The following KLHL22 variants were observed in gnomAD, a reference collection of about 807,000 sequenced individuals.
The protein encoded by KLHL22 is kelch like family member 22.
KLHL22 carries 18 observed loss-of-function variants against 60.7 expected under a neutral mutation model. That is an observed-to-expected ratio of 0.30 (90% CI 0.20 to 0.44). The LOEUF (loss-of-function observed/expected upper bound fraction) is 0.44. Among genes scored for constraint, KLHL22 ranks in the 20% least tolerant of loss-of-function variants. The probability of loss-of-function intolerance (pLI) is 1.00; values close to 1 mark genes in which losing one functional copy is unlikely to be tolerated. For synonymous variants in KLHL22, 355 were observed against 354.5 expected (o/e 1.00, Z -0.01); for missense variants, 596 against 852.3 (o/e 0.70, Z 3.74).
At chr22:20,446,934 T>C (rs361727) in intron 5 of KLHL22, among the ~76,000 whole-genome samples, 121,124 of 152,108 alleles carry the variant, frequency 0.8, 48,982 homozygotes, top group East Asian at 1. Flanking sequence ...TTTCCTTTGC[T>C]CCTAAAGTTA....
At chr22:20,457,081 A>T (rs1158412962) in intron 5 of KLHL22, among the ~76,000 whole-genome samples, 1 of 151,966 alleles carries the variant, frequency 6.6e-6, no homozygotes, top group East Asian at 1.9e-4. Context: ...GCTGAGACCC[A>T]GGAAGTAGGG....
chr22:20,458,240 C>CGAA (rs2053095609), intron 4 of KLHL22, among the ~76,000 whole-genome samples: 1 of 151,146 alleles, frequency 6.6e-6, no homozygotes, highest in South Asian at 2.1e-4. Flanking sequence ...CCTGTGTTTC[C>CGAA]ACCTAACTGT....
intron 5 of KLHL22, 27 bp from the exon 6 acceptor site, chr22:20,446,703 C>A (rs1004632137): frequency 6.3e-7 from 1 of 1,575,498 alleles, no homozygotes; most frequent in East Asian, 2.2e-5. Context: ...GGAGAAATGG[C>A]GTGAGAGGGC....
At chr22:20,454,971 T>C (rs892346154) in intron 5 of KLHL22, among the ~76,000 whole-genome samples, 1 of 152,138 alleles carries the variant, frequency 6.6e-6, no homozygotes, top group African/African-American at 2.4e-5. Flanking sequence ...AACCTCTGCC[T>C]CCCGGGTTCA....
At chr22:20,492,896 C>G (rs920418271) in intron 1 of KLHL22, among the ~76,000 whole-genome samples, 1 of 152,122 alleles carries the variant, frequency 6.6e-6, no homozygotes, top group African/African-American at 2.4e-5. Flanking sequence ...CCGGCCCAAA[C>G]CTGCCTATTT....
Position 20,464,924 on chromosome 22 carries a change from T to C in KLHL22, c.1046A>G (p.Asn349Ser). ...MSNQGIAVLN[N>S]FVYLIGGDNN... ...GTCCCCTCCAATCAAGTATACGAAG[T>C]TGTTGAGCACCGCGATGCCCTGGTT... is the stretch of plus-strand genomic sequence containing the variant. The change falls in exon 4 of 7, where the codon AAC becomes AGC. Residue 349 changes from asparagine to serine, a missense_variant. Transcript: ENST00000328879. 1 of 1,578,342 alleles carries C rather than the reference T, an allele frequency of 6.3e-7. No homozygotes were observed. The highest frequency in any genetic ancestry group is 8.6e-7 in the Non-Finnish European group (1 of 1,164,588).
chr22:20,451,803 G>A, intron 5 of KLHL22: 1 of 1,603,430 alleles, frequency 6.2e-7, no homozygotes. Context: ...ATGCTGGTGT[G>A]TGTGTTCTCC....
intron 2 of KLHL22, among the ~76,000 whole-genome samples, chr22:20,476,505 C>T (rs1043517968): frequency 1.8e-4 from 26 of 148,038 alleles, no homozygotes; most frequent in African/African-American, 4.0e-4. Context: ...TTCCGCCCCC[C>T]GGGGTTCACA....
intron 1 of KLHL22, chr22:20,491,242 G>C (rs1394645567): frequency 3.3e-5 from 5 of 152,192 alleles, no homozygotes; most frequent in Non-Finnish European, 7.3e-5. Context: ...CTATCCAGAA[G>C]TTTTCCAAAC....
chr22:20,457,699 C>G (rs1225303109), intron 5 of KLHL22, 109 bp downstream of exon 5: 1 of 795,508 alleles, frequency 1.3e-6, no homozygotes, highest in Non-Finnish European at 2.0e-6. Flanking sequence ...GCTCACTGAG[C>G]CTGTTTCTCT....
chr22:20,451,552 G>T, intron 5 of KLHL22: 1 of 1,597,810 alleles, frequency 6.3e-7, no homozygotes, highest in Non-Finnish European at 8.6e-7. Context: ...TTATGTGGTG[G>T]GGAGATTTGA....
rs773060743 is a variant in KLHL22, at chr22:20,446,596, C to A, written c.1386G>T (p.Glu462Asp). 1 of 1,613,980 alleles carries A rather than the reference C, an allele frequency of 6.2e-7. No individual in the cohort carries two copies. The highest frequency in any genetic ancestry group is 8.5e-7 in the Non-Finnish European group (1 of 1,180,046). Reference sequence around the variant, plus strand: ...TGCTGCCTGGATCGTAGCAGTGTGTCTCTTTCAGGTAATCCTCCCCTCTGC... The same window carrying A: ...TGCTGCCTGGATCGTAGCAGTGTGTATCTTTCAGGTAATCCTCCCCTCTGC... ...CGRRGEDYLK[E>D]THCYDPGSNT... is the part of the protein sequence containing the mutation. The change falls in exon 6 of 7, where the codon GAG becomes GAT. Residue 462 changes from glutamate to aspartate, a missense_variant. By Grantham distance (45) the Glu-to-Asp change is conservative. Transcript: ENST00000328879.
intron 1 of KLHL22, chr22:20,493,183 G>C (rs1022140269): frequency 2.1e-6 from 1 of 471,184 alleles, no homozygotes; most frequent in African/African-American, 2.0e-5. Flanking sequence ...GCTCTCTTGG[G>C]AAGGGATAAA....
chr22:20,444,530 C>T (rs1472084585), intron 6 of KLHL22, among the ~76,000 whole-genome samples: 1 of 152,114 alleles, frequency 6.6e-6, no homozygotes, highest in East Asian at 1.9e-4. Flanking sequence ...TGAGGTGCCT[C>T]GTAACACAGC....
chr22:20,450,084 T>G (rs550081080), intron 5 of KLHL22: 1 of 749,282 alleles, frequency 1.3e-6, no homozygotes, highest in Non-Finnish European at 2.5e-6. Flanking sequence ...AGTTGCAGAA[T>G]CCAAGGACCT....
Position 20,475,274 on chromosome 22 carries a change from A to G in KLHL22, c.228-3759T>C, listed in dbSNP as rs559910765. 3.3e-5 allele frequency: 5 copies of G among 151,902 alleles called. No homozygotes were observed. The East Asian group carries it at 9.7e-4, about 29-fold the overall frequency. 9.4% of individuals were successfully genotyped at this position (151,902 alleles called of 1,614,324 possible). ...TGGAGTTGGATCTGTGACTGTGAAC[A>G]ATCAACTGAGGTAACTCACACTACC... On this transcript the variant is annotated intron_variant, in intron 2 of 6. Coordinates refer to ENST00000328879, the MANE Select transcript of KLHL22 (RefSeq NM_032775.4).
At chr22:20,483,901 C>A in intron 2 of KLHL22, 1 of 691,426 alleles carries the variant, frequency 1.4e-6, no homozygotes. Context: ...GCCAGATCCC[C>A]AGCCATCCCC....
chr22:20,459,492 G>T (rs756388347), intron 4 of KLHL22, among the ~76,000 whole-genome samples: 6 of 152,160 alleles, frequency 3.9e-5, no homozygotes, highest in Non-Finnish European at 8.8e-5. Flanking sequence ...CTTGGGATTC[G>T]CTCAGTTCTG....
intron 2 of KLHL22, chr22:20,475,263 T>G (rs2053392659): frequency 6.6e-6 from 1 of 151,790 alleles, no homozygotes; most frequent in African/African-American, 2.4e-5. Flanking sequence ...GTTGGATCTG[T>G]GACTGTGAAC....
Sources: allele counts gnomAD v4.1 joint callset (sites outside exome capture counted in the v4.1 genomes callset), GRCh38; gene constraint gnomAD v4.1.1; transcripts MANE v1.5; gene names NCBI Gene and HGNC (gene_info 2026-07-23, HGNC 2026-07-21).